AKAP13: variants seen among roughly 807,000 people sequenced by gnomAD.
The protein encoded by AKAP13 is A-kinase anchor protein 13.
Under a neutral mutation model 264.5 loss-of-function variants are expected in AKAP13, and 80 were observed. That is an observed-to-expected ratio of 0.30 (90% confidence interval 0.25 to 0.36). AKAP13 has a LOEUF of 0.36. AKAP13 is among the 10% of genes least tolerant of loss of function. AKAP13 has a pLI of 1.00. For synonymous variants in AKAP13, 1,380 were observed against 1,250.2 expected (o/e 1.10, Z -2.19); for missense variants, 3,712 against 3,435.2 (o/e 1.08, Z -2.01).
intron 30 of AKAP13, among the ~76,000 whole-genome samples, chr15:85,733,297 A>T (rs2088187413): frequency 1.3e-5 from 2 of 151,146 alleles, no homozygotes; most frequent in African/African-American, 4.9e-5. Flanking sequence ...ATGTTGTTTT[A>T]TTTTTTTTTC....
intron 8 of AKAP13, chr15:85,627,440 TTCAGGC>T (rs2151435805): frequency 6.6e-6 from 1 of 152,384 alleles, no homozygotes; most frequent in African/African-American, 2.4e-5. Context: ...ACTAGACTAG[TTCAGGC>T]TCATCCTAAT....
At chr15:85,400,615 TATA>T (rs1316869625) in intron 1 of AKAP13, among the ~76,000 whole-genome samples, 2 of 152,126 alleles carry the variant, frequency 1.3e-5, no homozygotes, top group Non-Finnish European at 2.9e-5. Flanking sequence ...TGGTCTCAGC[TATA>T]ATAATGATTT....
intron 5 of AKAP13, chr15:85,544,235 A>C: frequency 1.9e-6 from 1 of 536,378 alleles, no homozygotes; most frequent in East Asian, 4.3e-5. Flanking sequence ...CAAAAGTCAG[A>C]ATGAGCCTTG....
chr15:85,611,608 A>G (rs11631456), intron 8 of AKAP13, among the ~76,000 whole-genome samples: 94,879 of 152,118 alleles, frequency 0.62, 29,741 homozygotes, highest in Middle Eastern at 0.72. Flanking sequence ...TCTGTCTCTA[A>G]GCTTGCTCCC....
intron 1 of AKAP13, among the ~76,000 whole-genome samples, chr15:85,481,657 C>T (rs1266540882): frequency 6.6e-6 from 1 of 152,202 alleles, no homozygotes; most frequent in Non-Finnish European, 1.5e-5. Flanking sequence ...CTGTAGCTGG[C>T]TTTACTACTG....
chr15:85,658,587 G>C lies in AKAP13; in HGVS notation c.4796G>C (p.Arg1599Thr). The C allele has an allele frequency of 6.2e-7, 1 of 1,613,698 alleles. No individual in the cohort carries two copies. The highest frequency in any genetic ancestry group is 8.5e-7 in the Non-Finnish European group (1 of 1,179,714). ...DVVRRPPIHRRSFSLEGLTGG... is the reference protein window; with the variant it reads ...DVVRRPPIHRTSFSLEGLTGG... ...GTCAGGAGACCTCCCATTCATAGGA[G>C]AAGGTACAGAGTTCATTAACTTGAT... Residue 1599 changes from arginine to threonine, a missense_variant, in exon 12 of 37, where the codon AGA becomes ACA. Physicochemically the swap from Arg to Thr is moderately conservative, Grantham distance 71. Around this residue, in one of 3 missense-constraint regions of AKAP13, gnomAD observed 2,759 missense variants for 2,411.7 expected, o/e 1.14. Transcript: ENST00000394518.
At chr15:85,683,564 G>A (rs1047865580) in intron 15 of AKAP13, 1 of 152,126 alleles carries the variant, frequency 6.6e-6, no homozygotes, top group African/African-American at 2.4e-5. Flanking sequence ...CCACCTCCCG[G>A]GTTCAAGCGA....
intron 4 of AKAP13, among the ~76,000 whole-genome samples, chr15:85,539,863 T>C (rs2077526343): frequency 2.0e-5 from 3 of 152,166 alleles, no homozygotes; most frequent in Admixed American, 2.0e-4. Context: ...GGGAAAAGTA[T>C]CATAAGTATT....
Position 85,727,519 on chromosome 15 carries a change from G to A in AKAP13, c.7087+56G>A. On this transcript the variant is annotated intron_variant, in intron 29 of 36. Transcript: ENST00000394518. The surrounding 1 kb of genome is among the most constrained non-coding windows in gnomAD (Gnocchi z 5.3). ...GTCTGGAATGTCTGCAGTTGCAGAA[G>A]ACTGCTGGTGGATTTTAGAGGTACG... 6.3e-7 allele frequency: 1 copy of A among 1,583,842 alleles called. No homozygotes were observed. The highest frequency in any genetic ancestry group is 1.1e-5 in the South Asian group (1 of 89,738).
intron 1 of AKAP13, among the ~76,000 whole-genome samples, chr15:85,429,751 C>T (rs1054264207): frequency 6.6e-6 from 1 of 152,092 alleles, no homozygotes; most frequent in African/African-American, 2.4e-5. Flanking sequence ...AATATCCTGG[C>T]GAGATTTTAA....
chr15:85,580,119 A>T lies in AKAP13; in HGVS notation c.2051A>T (p.Asp684Val). ...SSGDLVAKLC[D>V]NIVSESESTT... Reference sequence around the variant, plus strand: ...GGCGATTTGGTTGCAAAACTGTGTGATAACATAGTTAGCGAGTCCGAAAGC... The same window carrying T: ...GGCGATTTGGTTGCAAAACTGTGTGTTAACATAGTTAGCGAGTCCGAAAGC... Residue 684 changes from aspartate (D) to valine (V), a missense_variant, in exon 7 of 37, where the codon GAT becomes GTT. Coordinates refer to ENST00000394518, the MANE Select transcript of AKAP13 (RefSeq NM_007200.5). The T allele has an allele frequency of 6.2e-7, 1 of 1,614,232 alleles. No individual in the cohort carries two copies.
In AKAP13 at chr15:85,521,542, G is replaced by A. The variant is rs2076822672; in HGVS notation, c.148G>A (p.Val50Ile). 1 of 1,614,144 alleles carries A rather than the reference G, an allele frequency of 6.2e-7. No individual in the cohort carries two copies. The highest frequency in any genetic ancestry group is 2.2e-5 in the East Asian group (1 of 44,872). ...CCGTCACTGTACAAGTACTCGGAAG[G>A]TCAGTTCTGATACATTGGAGACCAT... ...TLRHCTSTRKVSSDTLETIAP... is the reference protein window; with the variant it reads ...TLRHCTSTRKISSDTLETIAP... The change falls in exon 3 of 37, where the codon GTC becomes ATC. Residue 50 changes from valine (V) to isoleucine (I), a missense_variant. Transcript: ENST00000394518.
chr15:85,554,231 C>G (rs2078060779), intron 5 of AKAP13, among the ~76,000 whole-genome samples: 1 of 152,070 alleles, frequency 6.6e-6, no homozygotes, highest in South Asian at 2.1e-4. Context: ...GCCTCAGTTT[C>G]TTCATCTACA....
chr15:85,676,203 G>A (rs904754520), intron 14 of AKAP13, among the ~76,000 whole-genome samples: 1 of 152,156 alleles, frequency 6.6e-6, no homozygotes, highest in Non-Finnish European at 1.5e-5. Flanking sequence ...GAGCCACCAC[G>A]CCCAGCCAGT....
chr15:85,422,430 T>C (rs984860160), intron 1 of AKAP13, among the ~76,000 whole-genome samples: 2 of 152,200 alleles, frequency 1.3e-5, no homozygotes, highest in African/African-American at 2.4e-5. Flanking sequence ...TTTGTCCTTA[T>C]GTTGGGGAAG....
At chr15:85,663,325 T>A (rs1378172867) in intron 12 of AKAP13, among the ~76,000 whole-genome samples, 31 of 131,544 alleles carry the variant, frequency 2.4e-4, no homozygotes, top group Non-Finnish European at 4.5e-4. Flanking sequence ...AAAAAAAAAA[T>A]AGGAAAAGAA....
intron 1 of AKAP13, among the ~76,000 whole-genome samples, chr15:85,452,129 C>T (rs1166092636): frequency 1.3e-5 from 2 of 150,804 alleles, no homozygotes; most frequent in African/African-American, 2.4e-5. Flanking sequence ...GAAATTCTTT[C>T]CTTAGCTTTG....
rs386383664 is a variant in AKAP13 at position 85,673,666 on chromosome 15, C to CTTTTTTTTTTTTTTT, written c.5101+3848_5101+3862dup. 4.1e-4 allele frequency among the ~76,000 whole-genome samples: 32 copies of CTTTTTTTTTTTTTTT among 77,556 alleles called. 6 individuals are homozygous for CTTTTTTTTTTTTTTT. Among genetic ancestry groups the CTTTTTTTTTTTTTTT allele is most frequent in the South Asian group, 1.3e-3 (2 of 1,570 alleles). The allele number at this position is 77,556 out of a possible 152,430, so 50.9% of individuals were successfully genotyped here. ...TTACAGATGATCCCTTTCTTTCTTTCTTTTTTTTTTTTTTTTTTTTTTTTT... is the reference window on the plus strand; with the variant it reads ...TTACAGATGATCCCTTTCTTTCTTTCTTTTTTTTTTTTTTTTTTTTTTTTTTTTTTTTTTTTTTTT... On this transcript the variant is annotated intron_variant, in intron 14 of 36. Transcript: ENST00000394518.
At chr15:85,491,355 C>T (rs1302601102) in intron 2 of AKAP13, among the ~76,000 whole-genome samples, 1 of 151,772 alleles carries the variant, frequency 6.6e-6, no homozygotes, top group Non-Finnish European at 1.5e-5. Flanking sequence ...AGATGGGATT[C>T]TTAGATAGTT....
Sources: gnomAD v4.1 joint callset for allele counts (sites outside exome capture counted in the v4.1 genomes callset) on GRCh38, gnomAD v4.1.1 for gene constraint, gnomAD v4.1.1 regional missense constraint, Gnocchi (gnomAD v3.1) non-coding constraint, MANE v1.5 for transcripts, NCBI Gene and HGNC (gene_info 2026-07-23, HGNC 2026-07-21) for gene names.